The following EYA4 variants were observed in gnomAD, a reference collection of about 807,000 sequenced individuals.
EYA4 encodes EYA transcriptional coactivator and phosphatase 4.
In EYA4, 31 loss-of-function variants were observed where a neutral mutation model predicts 87.9. That is an observed-to-expected ratio of 0.35 (90% CI 0.27 to 0.48). The LOEUF is 0.48. Ranked by LOEUF, EYA4 falls within the 20% of genes least tolerant of loss-of-function variation. The pLI, the probability that EYA4 is intolerant of heterozygous loss-of-function variation, is 0.99. For synonymous variants in EYA4, 263 were observed against 270.6 expected (o/e 0.97, Z 0.28); for missense variants, 678 against 761.4 (o/e 0.89, Z 1.29).
At chr6:133,444,067 C>T (rs759476642) in intron 3 of EYA4, among the ~76,000 whole-genome samples, 9 of 152,252 alleles carry the variant, frequency 5.9e-5, no homozygotes, top group Middle Eastern at 3.4e-3. Context: ...CCAAATCTTA[C>T]GTGTATATTT....
chr6:133,284,287 G>GC (rs374278702), intron 2 of EYA4, among the ~76,000 whole-genome samples: 13 of 152,038 alleles, frequency 8.6e-5, no homozygotes, highest in African/African-American at 3.1e-4. Context: ...TCCTGTCTCA[G>GC]CCCCCCGAGT....
chr6:133,428,391 A>ACAG (rs1345386116), intron 3 of EYA4, among the ~76,000 whole-genome samples: 1 of 152,216 alleles, frequency 6.6e-6, no homozygotes, highest in African/African-American at 2.4e-5. Context: ...ACACTCAAAG[A>ACAG]CAGCACATCA....
At chr6:133,373,335 A>T (rs1456572906) in intron 2 of EYA4, among the ~76,000 whole-genome samples, 3 of 152,056 alleles carry the variant, frequency 2.0e-5, no homozygotes, top group Non-Finnish European at 4.4e-5. Context: ...CAATATCTTT[A>T]AAAAAATTTA....
At chr6:133,444,225 C>T (rs941979969) in intron 3 of EYA4, among the ~76,000 whole-genome samples, 11 of 152,132 alleles carry the variant, frequency 7.2e-5, no homozygotes. Context: ...TGCTTGTAGG[C>T]ACATGTTATG....
At chr6:133,335,053 A>G (rs948708059) in intron 2 of EYA4, among the ~76,000 whole-genome samples, 1 of 152,224 alleles carries the variant, frequency 6.6e-6, no homozygotes, top group Non-Finnish European at 1.5e-5. Flanking sequence ...GAGAATTCTT[A>G]TTCCACAAAA....
chr6:133,278,775 A>G (rs1777390756), intron 2 of EYA4, among the ~76,000 whole-genome samples: 1 of 152,190 alleles, frequency 6.6e-6, no homozygotes, highest in South Asian at 2.1e-4. Context: ...TTTAAGAGAT[A>G]AGCAACTAAA....
intron 3 of EYA4, among the ~76,000 whole-genome samples, chr6:133,436,603 G>T (rs754404296): frequency 3.3e-5 from 5 of 152,156 alleles, no homozygotes; most frequent in African/African-American, 4.8e-5. Flanking sequence ...TACTTTTCAG[G>T]TAAGGAGAAT....
chr6:133,370,499 T>A (rs1785185319), intron 2 of EYA4, among the ~76,000 whole-genome samples: 1 of 152,222 alleles, frequency 6.6e-6, no homozygotes, highest in South Asian at 2.1e-4. Context: ...AAATCCCTGA[T>A]CTGTTTATGG....
chr6:133,488,101 C>G (rs1047524203), intron 13 of EYA4, among the ~76,000 whole-genome samples: 1 of 152,218 alleles, frequency 6.6e-6, no homozygotes, highest in Non-Finnish European at 1.5e-5. Context: ...CTACACATTA[C>G]TTGCCATGGG....
At chr6:133,296,618 C>A (rs1778966083) in intron 2 of EYA4, among the ~76,000 whole-genome samples, 1 of 151,570 alleles carries the variant, frequency 6.6e-6, no homozygotes, top group Non-Finnish European at 1.5e-5. Flanking sequence ...AGTTTTTGAC[C>A]CTAAGTATTA....
At position 133,376,661 on chromosome 6, in the gene EYA4, C is replaced by T. The variant is rs558056700; in HGVS notation, c.34-5731C>T. Among the ~76,000 whole-genome samples, 10 of 151,926 alleles carry T rather than the reference C, an allele frequency of 6.6e-5. No individual in the cohort carries two copies. In the South Asian group the frequency reaches 8.3e-4, roughly 13 times the overall value. ...TTAATTCTCCTCAAAAGATTGTGAGCTTCTCAAAGCACCTAGTGGTTTGGA... is the reference window on the plus strand; with the variant it reads ...TTAATTCTCCTCAAAAGATTGTGAGTTTCTCAAAGCACCTAGTGGTTTGGA... On this transcript the variant is annotated intron_variant, in intron 2 of 19. Transcript: ENST00000355286.
chr6:133,425,681 G>A lies in EYA4; in HGVS notation c.84-20949G>A, dbSNP rs1265362948. The stretch of plus-strand genomic sequence containing the variant: ...TCCTAAATGCCCCCACTTTGTTGCC[G>A]CTATGACTGCTTTAGTTTAGCTCTA... On this transcript the variant is annotated intron_variant, in intron 3 of 19. Transcript: ENST00000355286. Among the ~76,000 whole-genome samples the A allele has an allele frequency of 2.7e-5, 4 of 150,674 alleles. 1 individual carries two copies. Among genetic ancestry groups the A allele is most frequent in the African/African-American group, 7.5e-5 (3 of 40,240 alleles).
At chr6:133,512,624 T>G (rs1799255004) in intron 14 of EYA4, 97 bp from the exon 15 acceptor site, 1 of 925,694 alleles carries the variant, frequency 1.1e-6, no homozygotes, top group Non-Finnish European at 1.8e-6. Context: ...TGCCATCTTC[T>G]GGTGGTAGTC....
chr6:133,379,296 A>G (rs898236589), intron 2 of EYA4, among the ~76,000 whole-genome samples: 8 of 152,066 alleles, frequency 5.3e-5, no homozygotes, highest in Admixed American at 1.3e-4. Context: ...TTTTATAAGA[A>G]TATTCTTTCT....
intron 3 of EYA4, among the ~76,000 whole-genome samples, chr6:133,445,063 A>G (rs901331147): frequency 1.3e-5 from 2 of 152,092 alleles, no homozygotes; most frequent in South Asian, 2.1e-4. Context: ...ATTCTTTAAA[A>G]TGCTGCTTTA....
At chr6:133,476,946 G>A (rs905570288) in intron 11 of EYA4, among the ~76,000 whole-genome samples, 2 of 152,078 alleles carry the variant, frequency 1.3e-5, no homozygotes, top group Non-Finnish European at 2.9e-5. Flanking sequence ...CAGGGGGGCA[G>A]TTTCCTCCAT....
chr6:133,530,915 G>T lies in EYA4; in HGVS notation c.*2110G>T. On this transcript the variant is annotated 3_prime_UTR_variant, in exon 20 of 20. Transcript: ENST00000355286. ...AAATAGCAGTTAAAAAAATTTAAAT[G>T]TTGCCTTGATTATCAGTACTTAATT... 9.0e-7 allele frequency: 1 copy of T among 1,117,148 alleles called. No individual in the cohort carries two copies. Among genetic ancestry groups the T allele is most frequent in the Middle Eastern group, 3.8e-4 (1 of 2,634 alleles). 69.2% of individuals were successfully genotyped at this position (1,117,148 alleles called of 1,614,324 possible). A position where few individuals can be genotyped will look rare whatever the true frequency, so the allele number is the denominator to read the frequency against.
At chr6:133,335,700 A>G (rs1440963742) in intron 2 of EYA4, among the ~76,000 whole-genome samples, 1 of 152,086 alleles carries the variant, frequency 6.6e-6, no homozygotes, top group East Asian at 1.9e-4. Context: ...TAATGTGCAC[A>G]CTCTGTAGCG....
At chr6:133,253,666 A>T (rs188922324) in intron 1 of EYA4, among the ~76,000 whole-genome samples, 1 of 152,180 alleles carries the variant, frequency 6.6e-6, no homozygotes, top group East Asian at 1.9e-4. Context: ...TAATAATAAT[A>T]ATAATCTACT....
Sources: allele counts gnomAD v4.1 joint callset (sites outside exome capture counted in the v4.1 genomes callset), GRCh38; gene constraint gnomAD v4.1.1; transcripts MANE v1.5; gene names NCBI Gene and HGNC (gene_info 2026-07-23, HGNC 2026-07-21).